NCAM2: variants seen among roughly 807,000 people sequenced by gnomAD.
NCAM2 encodes the protein N-CAM-2.
NCAM2 carries 30 observed loss-of-function variants against 98.1 expected under a neutral mutation model. The ratio of observed to expected loss-of-function variants is 0.31; its 90% confidence interval spans 0.23 to 0.41. The LOEUF is 0.41. Ranked by LOEUF, NCAM2 falls within the 10% of genes least tolerant of loss-of-function variation. NCAM2 has a pLI of 1.00. For missense variants in NCAM2, 867 were observed against 1,005.8 expected (o/e 0.86, Z 1.87); for synonymous variants, 368 against 342.4 (o/e 1.07, Z -0.83).
At chr21:21,333,979 C>T (rs1331014835) in intron 6 of NCAM2, among the ~76,000 whole-genome samples, 1 of 151,106 alleles carries the variant, frequency 6.6e-6, no homozygotes, top group Non-Finnish European at 1.5e-5. Flanking sequence ...TTTTTTCGGA[C>T]ACAGTCTCAC....
intron 1 of NCAM2, among the ~76,000 whole-genome samples, chr21:21,249,050 C>G (rs989749194): frequency 1.3e-5 from 2 of 152,012 alleles, no homozygotes; most frequent in Admixed American, 6.6e-5. Flanking sequence ...TATCCCTGAT[C>G]TAGCTTTCCT....
intron 1 of NCAM2, among the ~76,000 whole-genome samples, chr21:21,098,349 T>C (rs182390206): frequency 9.2e-4 from 139 of 151,900 alleles, no homozygotes; most frequent in Middle Eastern, 6.8e-3. Context: ...TGTAAAAGCC[T>C]ATTAGACCTT....
chr21:21,000,486 A>G (rs564443756), intron 1 of NCAM2, among the ~76,000 whole-genome samples: 66 of 152,208 alleles, frequency 4.3e-4, no homozygotes, highest in Non-Finnish European at 7.8e-4. Context: ...ACACAGAGAC[A>G]TAAAATTTGG....
In NCAM2 at chr21:21,048,595, C is replaced by T. The variant is rs549261296; in HGVS notation, c.55+49977C>T. On this transcript the variant is annotated intron_variant, in intron 1 of 17. Transcript: ENST00000400546. Reference sequence around the variant, plus strand: ...GCATTGATCTCCTGACCTCGTGATCCACCCGCCTCGGCCTCCCAAAGTGCT... The same window carrying T: ...GCATTGATCTCCTGACCTCGTGATCTACCCGCCTCGGCCTCCCAAAGTGCT... Among the ~76,000 whole-genome samples the T allele has an allele frequency of 8.5e-5, 13 of 152,286 alleles. No individual in the cohort carries two copies. The South Asian group carries it at 2.3e-3, about 27-fold the overall frequency.
chr21:21,154,540 G>A (rs2067551241), intron 1 of NCAM2, among the ~76,000 whole-genome samples: 2 of 151,752 alleles, frequency 1.3e-5, no homozygotes, highest in Non-Finnish European at 3.0e-5. Context: ...AAATACTGTA[G>A]CAAAGAACAA....
intron 15 of NCAM2, among the ~76,000 whole-genome samples, chr21:21,507,931 GTTA>G (rs1988095646): frequency 6.6e-6 from 1 of 151,096 alleles, no homozygotes; most frequent in South Asian, 2.1e-4. Context: ...TCTTTTCATT[GTTA>G]TTATTTTCTG....
chr21:21,141,170 A>C (rs2826699), intron 1 of NCAM2, among the ~76,000 whole-genome samples: 49,665 of 152,000 alleles, frequency 0.33, 8,768 homozygotes, highest in East Asian at 0.41. Context: ...TTTTGTAAAA[A>C]TGGTTTTCAA....
chr21:21,368,355 A>G (rs777891866), intron 8 of NCAM2, among the ~76,000 whole-genome samples: 3 of 151,826 alleles, frequency 2.0e-5, no homozygotes, highest in Non-Finnish European at 4.4e-5. Flanking sequence ...ATATTTCTGG[A>G]ATCCACTCAC....
chr21:21,215,372 A>G (rs933631946), intron 1 of NCAM2, among the ~76,000 whole-genome samples: 6 of 152,202 alleles, frequency 3.9e-5, no homozygotes, highest in Non-Finnish European at 7.3e-5. Context: ...TTTTTAACAC[A>G]GAAAGTTTAC....
chr21:21,449,542 G>A (rs1980705353), intron 12 of NCAM2, among the ~76,000 whole-genome samples: 1 of 151,882 alleles, frequency 6.6e-6, no homozygotes, highest in South Asian at 2.1e-4. Context: ...TTTATTGATA[G>A]CGCATTTTAG....
intron 8 of NCAM2, among the ~76,000 whole-genome samples, chr21:21,359,132 A>T (rs1243412100): frequency 6.6e-6 from 1 of 151,956 alleles, no homozygotes; most frequent in Non-Finnish European, 1.5e-5. Context: ...TTTTCAACAG[A>T]GATAATGGAC....
At chr21:21,315,891 G>A (rs1321365111) in intron 5 of NCAM2, among the ~76,000 whole-genome samples, 1 of 152,142 alleles carries the variant, frequency 6.6e-6, no homozygotes, top group Non-Finnish European at 1.5e-5. Context: ...TGGGGAGATA[G>A]GACACTGCAA....
rs182699365 is a variant in NCAM2, at chr21:21,169,924, A to C, written c.56-110654A>C. 4.3e-3 allele frequency among the ~76,000 whole-genome samples: 658 copies of C among 152,326 alleles called. 4 individuals carry two copies. Among genetic ancestry groups the C allele is most frequent in the African/African-American group, 0.015 (627 of 41,580 alleles). Reference sequence around the variant, plus strand: ...CAGTGAGCCAAGATCATGCCACTGCACTGAAGCCTGGGTGAGAGTGAGACC... The same window carrying C: ...CAGTGAGCCAAGATCATGCCACTGCCCTGAAGCCTGGGTGAGAGTGAGACC... On this transcript the variant is annotated intron_variant, in intron 1 of 17. Coordinates refer to ENST00000400546, the MANE Select transcript of NCAM2 (RefSeq NM_004540.5).
At chr21:21,296,769 A>G (rs577396915) in intron 5 of NCAM2, among the ~76,000 whole-genome samples, 1 of 151,778 alleles carries the variant, frequency 6.6e-6, no homozygotes, top group African/African-American at 2.4e-5. Flanking sequence ...CAAAATCATC[A>G]TGTTATACCT....
At chr21:21,322,327 G>A (rs1328078072) in intron 5 of NCAM2, among the ~76,000 whole-genome samples, 1 of 151,958 alleles carries the variant, frequency 6.6e-6, no homozygotes, top group Non-Finnish European at 1.5e-5. Flanking sequence ...AGGTGGGATG[G>A]TCTGAAAAAC....
chr21:21,470,227 A>G (rs1295347945), intron 14 of NCAM2, among the ~76,000 whole-genome samples: 1 of 152,132 alleles, frequency 6.6e-6, no homozygotes, highest in Non-Finnish European at 1.5e-5. Context: ...CACAAATGGA[A>G]ATAATGACAT....
chr21:21,007,727 T>C (rs11911765), intron 1 of NCAM2, among the ~76,000 whole-genome samples: 83,674 of 151,868 alleles, frequency 0.55, 23,530 homozygotes, highest in East Asian at 0.81. Context: ...GTGGCCATCT[T>C]GGTTTTGGTA....
At chr21:21,288,379 G>T (rs2073177173) in intron 4 of NCAM2, among the ~76,000 whole-genome samples, 1 of 151,762 alleles carries the variant, frequency 6.6e-6, no homozygotes, top group African/African-American at 2.4e-5. Context: ...TTCTCTATGA[G>T]TTTTTAAATC....
chr21:21,142,314 A>AT (rs2146658468), intron 1 of NCAM2, among the ~76,000 whole-genome samples: 1 of 149,536 alleles, frequency 6.7e-6, no homozygotes, highest in African/African-American at 2.5e-5. Context: ...ACATGTGCAT[A>AT]TTTAATAACT....
Sources: gnomAD v4.1 joint callset for allele counts (sites outside exome capture counted in the v4.1 genomes callset) on GRCh38, gnomAD v4.1.1 for gene constraint, MANE v1.5 for transcripts, NCBI Gene and HGNC (gene_info 2026-07-23, HGNC 2026-07-21) for gene names.